XKR9: variants seen among roughly 807,000 people sequenced by gnomAD.
XKR9 encodes XK-related protein 9.
In XKR9, 32 loss-of-function variants were observed where a neutral mutation model predicts 32.0. The observed-to-expected ratio is 1.00, with a 90% confidence interval of 0.76 to 1.34. XKR9 has a LOEUF of 1.34. Ranked by LOEUF, XKR9 falls within the 40% of genes most tolerant of loss-of-function variation. XKR9 has a pLI of 0.00. For missense variants in XKR9, 546 were observed against 429.7 expected (o/e 1.27, Z -2.39); for synonymous variants, 168 against 143.4 (o/e 1.17, Z -1.22).
At chr8:70,966,114 C>T in the XKR9 span, among the ~76,000 whole-genome samples, 2 of 152,036 alleles carry the variant, frequency 1.3e-5, no homozygotes, top group South Asian at 2.1e-4. Flanking sequence ...GGTATGTTGT[C>T]TCTCTGTTTT....
the XKR9 span, among the ~76,000 whole-genome samples, chr8:71,045,378 G>T: frequency 1.3e-5 from 2 of 152,148 alleles, no homozygotes; most frequent in African/African-American, 2.4e-5. Flanking sequence ...CAGAATGAAG[G>T]CCTAAATGAA....
At chr8:70,990,326 G>A in the XKR9 span, among the ~76,000 whole-genome samples, 2 of 152,058 alleles carry the variant, frequency 1.3e-5, no homozygotes, top group African/African-American at 2.4e-5. Context: ...CACATCCCAG[G>A]ACTGCTCCCC....
At chr8:70,984,725 A>G in the XKR9 span, among the ~76,000 whole-genome samples, 3 of 152,220 alleles carry the variant, frequency 2.0e-5, no homozygotes, top group Non-Finnish European at 4.4e-5. Context: ...GGGCCATTCT[A>G]TTCATTAAGT....
At chr8:70,800,778 G>C in the XKR9 span, among the ~76,000 whole-genome samples, 48 of 152,098 alleles carry the variant, frequency 3.2e-4, 1 homozygote, top group Admixed American at 2.6e-4. Context: ...GAGCCACTGT[G>C]CCTGGCCAGG....
At chr8:70,930,180 A>T in the XKR9 span, among the ~76,000 whole-genome samples, 2 of 152,146 alleles carry the variant, frequency 1.3e-5, no homozygotes, top group Non-Finnish European at 2.9e-5. Flanking sequence ...GGGTGGTTGT[A>T]GGTGGGGTGG....
At chr8:71,031,541 G>T in the XKR9 span, among the ~76,000 whole-genome samples, 3 of 152,128 alleles carry the variant, frequency 2.0e-5, no homozygotes, top group African/African-American at 7.2e-5. Flanking sequence ...ACTGTTATGA[G>T]AACTAAATGA....
the XKR9 span, among the ~76,000 whole-genome samples, chr8:70,822,195 C>T: frequency 6.6e-6 from 1 of 152,094 alleles, no homozygotes; most frequent in African/African-American, 2.4e-5. Context: ...TACATATCAA[C>T]CTGATTAAAA....
the XKR9 span, among the ~76,000 whole-genome samples, chr8:70,993,022 C>A: frequency 6.6e-6 from 1 of 152,212 alleles, no homozygotes; most frequent in Non-Finnish European, 1.5e-5. Flanking sequence ...GCAGTTATTA[C>A]CTTTGTGTCT....
downstream of XKR9, among the ~76,000 whole-genome samples, chr8:70,791,670 C>A (rs893238585): frequency 7.2e-5 from 11 of 152,000 alleles, no homozygotes; most frequent in Non-Finnish European, 1.6e-4. Flanking sequence ...AGCAAGAAAG[C>A]ACTCACCAGA....
At chr8:70,795,492 A>G in the XKR9 span, among the ~76,000 whole-genome samples, 6 of 152,194 alleles carry the variant, frequency 3.9e-5, no homozygotes, top group Non-Finnish European at 8.8e-5. Flanking sequence ...CTTTGGGTAT[A>G]TACCCAGTAA....
chr8:70,761,798 G>T (rs1460727771), intron 2 of XKR9, among the ~76,000 whole-genome samples: 1 of 151,938 alleles, frequency 6.6e-6, no homozygotes, highest in Non-Finnish European at 1.5e-5. Context: ...GTATCGCCTA[G>T]GTTTTCTTCT....
the XKR9 span, among the ~76,000 whole-genome samples, chr8:70,863,973 C>T: frequency 1.3e-5 from 2 of 152,096 alleles, no homozygotes; most frequent in East Asian, 1.9e-4. Context: ...TTTTTATTTG[C>T]CAAACAGCTG....
the XKR9 span, among the ~76,000 whole-genome samples, chr8:70,907,517 C>T: frequency 8.5e-5 from 13 of 152,252 alleles, no homozygotes; most frequent in South Asian, 2.5e-3. Flanking sequence ...CTTTCCCTGT[C>T]TCCAAAACAG....
At chr8:71,013,240 T>A in the XKR9 span, among the ~76,000 whole-genome samples, 2 of 151,940 alleles carry the variant, frequency 1.3e-5, no homozygotes, top group South Asian at 2.1e-4. Context: ...TGAATATAGA[T>A]GAAGGGTAGG....
intron 2 of XKR9, among the ~76,000 whole-genome samples, chr8:70,787,639 C>A (rs531138628): frequency 1.3e-5 from 2 of 152,168 alleles, no homozygotes; most frequent in Admixed American, 6.6e-5. Context: ...TAAAACGCTA[C>A]AGAAGAGAAT....
chr8:70,995,993 C>G, the XKR9 span, among the ~76,000 whole-genome samples: 2 of 133,886 alleles, frequency 1.5e-5, no homozygotes, highest in Non-Finnish European at 3.6e-5. Flanking sequence ...AACTGAGAAC[C>G]CACTACCTTC....
chr8:71,047,110 T>C, the XKR9 span, among the ~76,000 whole-genome samples: 1 of 152,196 alleles, frequency 6.6e-6, no homozygotes, highest in African/African-American at 2.4e-5. Flanking sequence ...TACAAACAAA[T>C]GAAAAAGCTT....
At chr8:70,883,571 C>A in the XKR9 span, among the ~76,000 whole-genome samples, 4 of 151,996 alleles carry the variant, frequency 2.6e-5, no homozygotes, top group East Asian at 7.7e-4. Flanking sequence ...CCCATAGAAC[C>A]ACTGATCTTT....
chr8:70,695,128 CT>C (rs149186256), intron 3 of XKR9, among the ~76,000 whole-genome samples: 51,986 of 124,736 alleles, frequency 0.42, 10,861 homozygotes, highest in East Asian at 0.55. Context: ...CCTTGTTTTT[CT>C]TTTTTTTTTT....
Sources: gnomAD v4.1 joint callset for allele counts (sites outside exome capture counted in the v4.1 genomes callset) on GRCh38, gnomAD v4.1.1 for gene constraint, MANE v1.5 for transcripts, NCBI Gene and HGNC (gene_info 2026-07-23, HGNC 2026-07-21) for gene names.